The following SLC13A3 variants were observed in gnomAD, a reference collection of about 807,000 sequenced individuals.
The protein encoded by SLC13A3 is Na(+)/dicarboxylate cotransporter 3.
In SLC13A3, 40 loss-of-function variants were observed where a neutral mutation model predicts 59.0. The ratio of observed to expected loss-of-function variants is 0.68; its 90% CI spans 0.53 to 0.88. The LOEUF is 0.88. SLC13A3 is among the 40% of genes least tolerant of loss of function. SLC13A3 has a pLI of 0.00. For missense variants in SLC13A3, 699 were observed against 783.2 expected, an observed-to-expected ratio of 0.89 and a Z score of 1.28; for synonymous variants, 317 against 330.3, an observed-to-expected ratio of 0.96 and a Z score of 0.44.
chr20:46,656,390 A>G (rs1200070018), upstream of SLC13A3, among the ~76,000 whole-genome samples: 1 of 17,824 alleles, frequency 5.6e-5, no homozygotes, highest in Non-Finnish European at 1.1e-4. Context: ...TATACTGTAT[A>G]TGATATACTA....
chr20:46,617,412 C>T (rs2062567415), intron 1 of SLC13A3, among the ~76,000 whole-genome samples: 1 of 152,096 alleles, frequency 6.6e-6, no homozygotes, highest in Admixed American at 6.6e-5. Flanking sequence ...TTGCTTGAGG[C>T]CAGGAGTTCA....
At chr20:46,632,910 T>TAGATAGATAGACAGACAG (rs1314009715) in intron 1 of SLC13A3, among the ~76,000 whole-genome samples, 15 of 73,626 alleles carry the variant, frequency 2.0e-4, no homozygotes, top group African/African-American at 3.0e-4. Context: ...GATAGATAGA[T>TAGATAGATAGACAGACAG]ATATCTATCT....
intron 10 of SLC13A3, among the ~76,000 whole-genome samples, chr20:46,568,894 A>T (rs6017922): frequency 6.6e-6 from 1 of 152,170 alleles, no homozygotes; most frequent in Non-Finnish European, 1.5e-5. Context: ...CGCTGGAGGG[A>T]GGTCTGGCAG....
intron 10 of SLC13A3, among the ~76,000 whole-genome samples, chr20:46,571,015 C>A (rs554649414): frequency 1.2e-4 from 19 of 152,298 alleles, no homozygotes; most frequent in Non-Finnish European, 2.6e-4. Context: ...AGGAAACTTA[C>A]AATCATGGTG....
intron 6 of SLC13A3, among the ~76,000 whole-genome samples, chr20:46,590,852 G>GA (rs1167358848): frequency 6.6e-6 from 1 of 151,914 alleles, no homozygotes; most frequent in Admixed American, 6.6e-5. Context: ...AGGTAAAAGA[G>GA]AAAAAAATAA....
intron 1 of SLC13A3, among the ~76,000 whole-genome samples, chr20:46,640,315 G>A (rs577434116): frequency 6.6e-6 from 1 of 152,258 alleles, no homozygotes; most frequent in African/African-American, 2.4e-5. Context: ...CAGGAGAGTA[G>A]AGCTAAAAGG....
chr20:46,674,602 C>CGTGTGTGTGT (rs142752461), upstream of SLC13A3, among the ~76,000 whole-genome samples: 2,718 of 114,188 alleles, frequency 0.024, 30 homozygotes, highest in Non-Finnish European at 0.033. Context: ...CGCGCGCGCG[C>CGTGTGTGTGT]GCGTGTGTGT....
rs897416420 is a variant in SLC13A3, at chr20:46,580,415, T to A, written c.1219+3157A>T. 2.7e-5 allele frequency among the ~76,000 whole-genome samples: 4 copies of A among 150,710 alleles called. No homozygotes were observed. The South Asian group carries it at 8.4e-4, about 31-fold the overall frequency. On this transcript the variant is annotated intron_variant, in intron 9 of 12. Transcript: ENST00000279027. ...AATCTGCTGTATACAAATGTTACCT[T>A]CCATCTGGAGAAAAATATAGGTCAA... is the stretch of plus-strand genomic sequence containing the variant.
chr20:46,581,112 GT>G (rs1351143691), intron 9 of SLC13A3, among the ~76,000 whole-genome samples: 2 of 152,222 alleles, frequency 1.3e-5, no homozygotes. Context: ...AAAAGTTGCT[GT>G]CTAAAACCAC....
upstream of SLC13A3, among the ~76,000 whole-genome samples, chr20:46,673,338 G>C (rs1024565869): frequency 6.6e-6 from 1 of 152,180 alleles, no homozygotes; most frequent in African/African-American, 2.4e-5. Flanking sequence ...ATGGAGGCTT[G>C]CTGTGTGCCA....
intron 1 of SLC13A3, among the ~76,000 whole-genome samples, chr20:46,630,769 A>G (rs1170264794): frequency 2.0e-5 from 3 of 152,252 alleles, no homozygotes; most frequent in Admixed American, 1.3e-4. Context: ...TACAACAAAT[A>G]TGCACAGTTG....
intron 1 of SLC13A3, among the ~76,000 whole-genome samples, chr20:46,643,661 A>C (rs1018570365): frequency 3.3e-5 from 5 of 152,238 alleles, no homozygotes; most frequent in Non-Finnish European, 7.3e-5. Context: ...TACGATCTGA[A>C]TAGAAATAAG....
rs763174372 is a variant in SLC13A3, at chr20:46,585,752, A to G, written c.1122-2083T>C. ...TAATGCCCATTTTGCATCTGAAAAA[A>G]ATAAAGCATCTACATTTTAGAAAAA... On this transcript the variant is annotated intron_variant, in intron 8 of 12. Coordinates refer to ENST00000279027, the MANE Select transcript of SLC13A3 (RefSeq NM_022829.6). 4.6e-4 allele frequency: 595 copies of G among 1,295,172 alleles called. 1 individual carries two copies. The highest frequency in any genetic ancestry group is 6.0e-4 in the Non-Finnish European group (588 of 986,404). The allele number at this position is 1,295,172 out of a possible 1,614,324, so 80.2% of individuals were successfully genotyped here. A position where few individuals can be genotyped will look rare whatever the true frequency, so the allele number is the denominator to read the frequency against.
At chr20:46,576,028 T>C (rs1033308061) in intron 9 of SLC13A3, among the ~76,000 whole-genome samples, 12 of 152,108 alleles carry the variant, frequency 7.9e-5, no homozygotes, top group Admixed American at 6.5e-4. Flanking sequence ...CTGGAACATG[T>C]ACAGAGAGGA....
intron 1 of SLC13A3, among the ~76,000 whole-genome samples, chr20:46,627,349 AGTT>A (rs1242385354): frequency 6.6e-6 from 1 of 152,152 alleles, no homozygotes; most frequent in Non-Finnish European, 1.5e-5. Context: ...AGGGGATAAA[AGTT>A]CCCAAGCTTA....
At chr20:46,589,348 C>T in intron 6 of SLC13A3, 93 bp from the exon 7 acceptor site, 1 of 1,027,764 alleles carries the variant, frequency 9.7e-7, no homozygotes, top group Non-Finnish European at 1.5e-6. Flanking sequence ...AAGCCACATC[C>T]TCTCTGTCCG....
chr20:46,680,397 C>T (rs563686670), intron 1 of SLC13A3, among the ~76,000 whole-genome samples: 1 of 152,326 alleles, frequency 6.6e-6, no homozygotes, highest in Admixed American at 6.5e-5. Context: ...TGGTAGTGCT[C>T]CAACTGCTCC....
Position 46,583,649 on chromosome 20 carries a change from G to T in SLC13A3, c.1142C>A (p.Thr381Asn). Residue 381 changes from threonine (T) to asparagine (N), a missense_variant, in exon 9 of 13, where the codon ACC (threonine) becomes AAC (asparagine). Coordinates refer to ENST00000279027, the MANE Select transcript of SLC13A3 (RefSeq NM_022829.6). Reference sequence around the variant, plus strand: ...CAAGATGGTGACAATAGCCACGCCGGTGACAGCATCAGAAAGAAACCTACA... The same window carrying T: ...CAAGATGGTGACAATAGCCACGCCGTTGACAGCATCAGAAAGAAACCTACA... ...FNPGFLSDAVTGVAIVTILFF... is the reference protein window; with the variant it reads ...FNPGFLSDAVNGVAIVTILFF... 6.2e-7 allele frequency: 1 copy of T among 1,614,082 alleles called. No individual in the cohort carries two copies. Among genetic ancestry groups the T allele is most frequent in the Non-Finnish European group, 8.5e-7 (1 of 1,180,004 alleles).
At position 46,636,368 on chromosome 20, in the gene SLC13A3, A is replaced by T. The variant is rs140796897; in HGVS notation, c.111+14943T>A. On this transcript the variant is annotated intron_variant, in intron 1 of 12. Coordinates refer to ENST00000279027, the MANE Select transcript of SLC13A3 (RefSeq NM_022829.6). ...GTCTGCCATGTCCCCCTAGAATAGT[A>T]GCTGGTACCTAGAAGGTACTCAATT... is the stretch of plus-strand genomic sequence containing the variant. Among the ~76,000 whole-genome samples, 70 of 152,336 alleles carry T rather than the reference A, an allele frequency of 4.6e-4. No homozygotes were observed. In the East Asian group the frequency reaches 0.011, roughly 25 times the overall value.
Sources: gnomAD v4.1 joint callset for allele counts (sites outside exome capture counted in the v4.1 genomes callset) on GRCh38, gnomAD v4.1.1 for gene constraint, MANE v1.5 for transcripts, NCBI Gene and HGNC (gene_info 2026-07-23, HGNC 2026-07-21) for gene names.